The following PPP1R9A variants were observed in gnomAD, a reference collection of about 807,000 sequenced individuals.
The protein encoded by PPP1R9A is protein phosphatase 1 regulatory subunit 9A.
Under a neutral mutation model 141.9 loss-of-function variants are expected in PPP1R9A, and 59 were observed. That is an observed-to-expected ratio of 0.42 (90% CI 0.34 to 0.52). PPP1R9A has a LOEUF of 0.52. Ranked by LOEUF, PPP1R9A falls within the 20% of genes least tolerant of loss-of-function variation. The probability of loss-of-function intolerance (pLI) is 0.10; values close to 1 mark genes in which losing one functional copy is unlikely to be tolerated. For missense variants in PPP1R9A, 1,444 were observed against 1,611.9 expected, an observed-to-expected ratio of 0.90 and a Z score of 1.78; for synonymous variants, 500 against 569.7, an observed-to-expected ratio of 0.88 and a Z score of 1.74.
intron 3 of PPP1R9A, among the ~76,000 whole-genome samples, chr7:95,112,970 C>T (rs980842348): frequency 2.0e-5 from 3 of 152,076 alleles, no homozygotes; most frequent in African/African-American, 2.4e-5. Flanking sequence ...TAACCACTTG[C>T]GCACAATGCG....
chr7:94,982,669 GTTGT>G (rs1305296293), intron 2 of PPP1R9A, among the ~76,000 whole-genome samples: 3 of 152,136 alleles, frequency 2.0e-5, no homozygotes, highest in African/African-American at 7.2e-5. Context: ...TTTTGATGGG[GTTGT>G]TTGATTTTTT....
intron 4 of PPP1R9A, among the ~76,000 whole-genome samples, chr7:95,152,838 C>CTT (rs5885900): frequency 1.4e-4 from 18 of 125,090 alleles, no homozygotes; most frequent in Non-Finnish European, 1.9e-4. Context: ...CAGCCACACC[C>CTT]TTTTTTTTTT....
chr7:95,130,183 G>A (rs1824328328), intron 4 of PPP1R9A, among the ~76,000 whole-genome samples: 1 of 152,058 alleles, frequency 6.6e-6, no homozygotes, highest in African/African-American at 2.4e-5. Context: ...TCATGGGCTG[G>A]TCCTAGGGTC....
intron 2 of PPP1R9A, among the ~76,000 whole-genome samples, chr7:95,012,498 C>A (rs556207617): frequency 3.4e-4 from 51 of 152,228 alleles, no homozygotes; most frequent in Non-Finnish European, 7.1e-4. Flanking sequence ...GGACACAGAT[C>A]CAAACCATAT....
chr7:95,290,509 T>A lies in PPP1R9A; in HGVS notation c.*206T>A, dbSNP rs1211573460. 4 of 562,946 alleles carry A rather than the reference T, an allele frequency of 7.1e-6. No homozygotes were observed. The highest frequency in any genetic ancestry group is 4.8e-4 in the Middle Eastern group (1 of 2,078). The allele number at this position is 562,946 out of a possible 1,614,324, so 34.9% of individuals were successfully genotyped here. ...ACTACTAAAATAATCCCAAGCCACC[T>A]TTGGTTCATTAACAAACCAGAGATT... On this transcript the variant is annotated 3_prime_UTR_variant, in exon 20 of 20. Transcript: ENST00000433360.
chr7:95,071,958 T>A (rs1165280382), intron 2 of PPP1R9A, among the ~76,000 whole-genome samples: 1 of 151,722 alleles, frequency 6.6e-6, no homozygotes. Flanking sequence ...ATATCATATT[T>A]AAAAGAGCAG....
intron 2 of PPP1R9A, among the ~76,000 whole-genome samples, chr7:94,981,313 C>T (rs893577097): frequency 2.6e-5 from 4 of 152,172 alleles, no homozygotes; most frequent in Non-Finnish European, 5.9e-5. Flanking sequence ...GATCTCGGCT[C>T]ACTGCAACCT....
intron 2 of PPP1R9A, among the ~76,000 whole-genome samples, chr7:95,064,492 T>G: frequency 6.6e-6 from 1 of 152,120 alleles, no homozygotes; most frequent in South Asian, 2.1e-4. Flanking sequence ...AGCACAAACT[T>G]ACAAAAAGTA....
chr7:95,070,679 C>G (rs1813694889), intron 2 of PPP1R9A, among the ~76,000 whole-genome samples: 1 of 147,404 alleles, frequency 6.8e-6, no homozygotes, highest in Non-Finnish European at 1.5e-5. Flanking sequence ...AATTCATGTA[C>G]TTGTAAAATT....
intron 2 of PPP1R9A, among the ~76,000 whole-genome samples, chr7:94,989,512 G>A (rs144169726): frequency 2.0e-5 from 3 of 152,186 alleles, no homozygotes; most frequent in East Asian, 1.9e-4. Context: ...AACAATTTGA[G>A]TTGCAGTATA....
At chr7:95,144,027 C>T (rs986716575) in intron 4 of PPP1R9A, among the ~76,000 whole-genome samples, 13 of 152,222 alleles carry the variant, frequency 8.5e-5, no homozygotes, top group South Asian at 6.2e-4. Flanking sequence ...GTCTACTCTA[C>T]TAGTGAATTA....
intron 7 of PPP1R9A, among the ~76,000 whole-genome samples, chr7:95,222,065 T>C (rs1012677346): frequency 6.6e-6 from 1 of 152,090 alleles, no homozygotes. Context: ...GAATTCTATA[T>C]TCTTGTCCAG....
chr7:94,953,925 T>C (rs1796770765), intron 2 of PPP1R9A, among the ~76,000 whole-genome samples: 1 of 152,148 alleles, frequency 6.6e-6, no homozygotes, highest in Non-Finnish European at 1.5e-5. Flanking sequence ...TTTGACTTCC[T>C]CTCTTCCTAT....
chr7:95,207,231 AAAAAG>A (rs1257443060), intron 7 of PPP1R9A, among the ~76,000 whole-genome samples: 1 of 152,138 alleles, frequency 6.6e-6, no homozygotes, highest in Non-Finnish European at 1.5e-5. Flanking sequence ...GGAAAAGAAA[AAAAAG>A]AGAAGAAAGA....
At chr7:95,142,342 ATATTT>A in intron 4 of PPP1R9A, among the ~76,000 whole-genome samples, 1 of 152,172 alleles carries the variant, frequency 6.6e-6, no homozygotes, top group Non-Finnish European at 1.5e-5. Context: ...GAAACATAAA[ATATTT>A]TAATTTTGAT....
At chr7:95,165,241 T>C (rs1410707162) in intron 5 of PPP1R9A, among the ~76,000 whole-genome samples, 2 of 152,204 alleles carry the variant, frequency 1.3e-5, no homozygotes, top group African/African-American at 4.8e-5. Context: ...GTATGATAAT[T>C]TGAATATGAA....
chr7:95,224,025 G>T (rs1326076097), intron 7 of PPP1R9A, among the ~76,000 whole-genome samples: 1 of 151,982 alleles, frequency 6.6e-6, no homozygotes, highest in Non-Finnish European at 1.5e-5. Context: ...GCCAAATCTG[G>T]AATTAGAGTT....
intron 2 of PPP1R9A, among the ~76,000 whole-genome samples, chr7:95,023,270 T>A (rs1413200259): frequency 6.6e-6 from 1 of 151,974 alleles, no homozygotes; most frequent in Non-Finnish European, 1.5e-5. Context: ...TTTTGTAGAG[T>A]TGTTTATAGT....
intron 2 of PPP1R9A, among the ~76,000 whole-genome samples, chr7:95,000,258 A>G (rs1162937653): frequency 6.6e-6 from 1 of 152,204 alleles, no homozygotes; most frequent in Non-Finnish European, 1.5e-5. Flanking sequence ...TTGTAGAATG[A>G]GAAAATAAAT....
Sources: allele counts gnomAD v4.1 joint callset (sites outside exome capture counted in the v4.1 genomes callset), GRCh38; gene constraint gnomAD v4.1.1; transcripts MANE v1.5; gene names NCBI Gene and HGNC (gene_info 2026-07-23, HGNC 2026-07-21).